TTYH2: variants seen among roughly 807,000 people sequenced by gnomAD.
TTYH2 encodes the protein protein tweety homolog 2.
Under a neutral mutation model 68.3 loss-of-function variants are expected in TTYH2, and 49 were observed. The ratio of observed to expected loss-of-function variants is 0.72; its 90% CI spans 0.57 to 0.91. TTYH2 has a LOEUF of 0.91. TTYH2 is among the 40% of genes least tolerant of loss of function. The pLI, the probability that TTYH2 is intolerant of heterozygous loss-of-function variation, is 0.00. For synonymous variants in TTYH2, 272 were observed against 300.8 expected, an observed-to-expected ratio of 0.90 and a Z score of 0.99; for missense variants, 631 against 700.4, an observed-to-expected ratio of 0.90 and a Z score of 1.12.
intron 3 of TTYH2, among the ~76,000 whole-genome samples, chr17:74,234,095 T>A (rs2050417883): frequency 6.6e-6 from 1 of 152,160 alleles, no homozygotes; most frequent in African/African-American, 2.4e-5. Flanking sequence ...TGAGCTTGCA[T>A]CAGAATCACC....
At chr17:74,253,689 G>A (rs889267667) in intron 12 of TTYH2, 66 bp from the exon 13 acceptor site, 1 of 1,535,664 alleles carries the variant, frequency 6.5e-7, no homozygotes. Context: ...GGACCCTCCT[G>A]TAGAAATCTA....
chr17:74,254,258 C>T (rs1312733705), intron 13 of TTYH2, among the ~76,000 whole-genome samples: 1 of 152,092 alleles, frequency 6.6e-6, no homozygotes, highest in Non-Finnish European at 1.5e-5. Context: ...TTACTGCAAC[C>T]CAGGTTTCAA....
intron 2 of TTYH2, among the ~76,000 whole-genome samples, chr17:74,229,302 T>C (rs2050363249): frequency 6.6e-6 from 1 of 152,128 alleles, no homozygotes; most frequent in Non-Finnish European, 1.5e-5. Context: ...CTGGTAAAAG[T>C]GCAGGTAACC....
chr17:74,219,984 G>T (rs879003683), intron 1 of TTYH2, among the ~76,000 whole-genome samples: 1 of 150,882 alleles, frequency 6.6e-6, no homozygotes, highest in Non-Finnish European at 1.5e-5. Context: ...TTTTGGCTTG[G>T]TTGGGGTTTT....
chr17:74,218,487 A>G (rs1407025755), intron 1 of TTYH2, among the ~76,000 whole-genome samples: 3 of 151,686 alleles, frequency 2.0e-5, no homozygotes, highest in Non-Finnish European at 2.9e-5. Flanking sequence ...AGCCTGGCCA[A>G]CATAGTGAGA....
chr17:74,243,492 C>T (rs1400560800), intron 5 of TTYH2, 23 bp downstream of exon 5: 2 of 1,610,364 alleles, frequency 1.2e-6, no homozygotes, highest in Non-Finnish European at 1.7e-6. Flanking sequence ...ACCCGTGGAC[C>T]TGGGACAAAG....
rs1208201658 is a variant in TTYH2, at chr17:74,239,221, G to A, written c.635+1707G>A. The stretch of plus-strand genomic sequence containing the variant: ...CCCCTCTCCAGGTGCAGGGTCCAGC[G>A]AAGTTTGCTCCGTGGAAAGCACAGG... On this transcript the variant is annotated intron_variant, in intron 4 of 13. Transcript: ENST00000269346. This position sits in a 1 kb window ranked among gnomAD's most constrained non-coding sequence, Gnocchi z 5.3. 3.3e-5 allele frequency among the ~76,000 whole-genome samples: 5 copies of A among 152,358 alleles called. No individual in the cohort carries two copies. Among genetic ancestry groups the A allele is most frequent in the South Asian group, 4.1e-4 (2 of 4,832 alleles).
Position 74,253,773 on chromosome 17 carries a change from T to C in TTYH2, c.1464T>C (p.Phe488=). Residue 488 remains phenylalanine (F), a synonymous_variant, in exon 13 of 14, where the codon TTT becomes TTC. Coordinates refer to ENST00000269346, the MANE Select transcript of TTYH2 (RefSeq NM_032646.6). ...CCCGCAGGAACCAAGCCATGCTCTT[T>C]GGTAGGAACCCACGCTACGAGAACG... is the stretch of plus-strand genomic sequence containing the variant. ...VSEYMNQAML[F]GRNPRYENVP... is the part of the protein sequence containing the mutation. 1.9e-6 allele frequency: 3 copies of C among 1,614,178 alleles called. No individual in the cohort carries two copies. The highest frequency in any genetic ancestry group is 2.5e-6 in the Non-Finnish European group (3 of 1,180,022).
Position 74,215,646 on chromosome 17 carries a change from G to C in TTYH2, c.129+1930G>C, listed in dbSNP as rs2050215167. On this transcript the variant is annotated intron_variant, in intron 1 of 13. Coordinates refer to ENST00000269346, the MANE Select transcript of TTYH2 (RefSeq NM_032646.6). The surrounding 1 kb of genome is among the most constrained non-coding windows in gnomAD (Gnocchi z 4.3). Reference sequence around the variant, plus strand: ...CCACCACTCAGATCGCTGAGTAGGAGATGAGCGTGGTGGGCCAGGACCGGA... The same window carrying C: ...CCACCACTCAGATCGCTGAGTAGGACATGAGCGTGGTGGGCCAGGACCGGA... 6.5e-7 allele frequency: 1 copy of C among 1,535,740 alleles called. No homozygotes were observed. The highest frequency in any genetic ancestry group is 8.7e-7 in the Non-Finnish European group (1 of 1,146,918).
At chr17:74,225,088 G>A (rs956680435) in intron 2 of TTYH2, among the ~76,000 whole-genome samples, 7 of 152,132 alleles carry the variant, frequency 4.6e-5, no homozygotes, top group East Asian at 3.9e-4. Context: ...GAGTCCAGGC[G>A]TTCCTGGGTG....
intron 2 of TTYH2, among the ~76,000 whole-genome samples, chr17:74,228,358 TAA>T (rs1173787252): frequency 1.3e-5 from 2 of 152,192 alleles, no homozygotes; most frequent in East Asian, 3.9e-4. Context: ...AGAACAAATA[TAA>T]GTGTGGACGT....
chr17:74,223,357 C>T (rs952055520), intron 2 of TTYH2, among the ~76,000 whole-genome samples: 5 of 152,022 alleles, frequency 3.3e-5, no homozygotes, highest in African/African-American at 9.7e-5. Flanking sequence ...AACTGCTGAG[C>T]TCAAGTGATC....
In TTYH2 at chr17:74,250,361, C is replaced by T. The variant is rs2050609391; in HGVS notation, c.1116+4C>T. 7 of 1,612,030 alleles carry T rather than the reference C, an allele frequency of 4.3e-6. No homozygotes were observed. Among genetic ancestry groups the T allele is most frequent in the Non-Finnish European group, 4.2e-6 (5 of 1,178,838 alleles). On this transcript the variant is annotated splice_donor_region_variant and intron_variant, in intron 10 of 13. Transcript: ENST00000269346. ...GGACTGCCGAGGGCTGCACAAGGTG[C>T]ATGGGGACCCTGGGGTCACGTGGAG... is the stretch of plus-strand genomic sequence containing the variant.
intron 10 of TTYH2, 161 bp from the exon 11 acceptor site, chr17:74,252,073 C>A: frequency 1.2e-6 from 1 of 831,518 alleles, no homozygotes; most frequent in South Asian, 1.6e-5. Flanking sequence ...TGTTAGGCTC[C>A]AGAGTGTGGA....
In TTYH2 at chr17:74,234,237, C is replaced by T. The variant is rs575539619; in HGVS notation, c.415-3057C>T. Among the ~76,000 whole-genome samples, 4 of 152,290 alleles carry T rather than the reference C, an allele frequency of 2.6e-5. 1 individual carries two copies. The East Asian group carries it at 5.8e-4, about 22-fold the overall frequency. On this transcript the variant is annotated intron_variant, in intron 3 of 13. Coordinates refer to ENST00000269346, the MANE Select transcript of TTYH2 (RefSeq NM_032646.6). ...GGGGTGCATCTTACGCCCCTAGTCC[C>T]GGGACCACACTTGAGAACTGCTCTT...
chr17:74,253,166 C>G lies in TTYH2; in HGVS notation c.1345C>G (p.Gln449Glu), dbSNP rs202095203. 307 of 1,614,014 alleles carry G rather than the reference C, an allele frequency of 1.9e-4. No individual in the cohort carries two copies. Among genetic ancestry groups the G allele is most frequent in the Non-Finnish European group, 2.5e-4 (295 of 1,179,976 alleles). Residue 449 changes from glutamine to glutamate, a missense_variant, in exon 12 of 14, where the codon CAG (glutamine) becomes GAG (glutamate). Transcript: ENST00000269346. ...GGCGGCTCACAGTCCCCCGAGGGGA[C>G]AGCTTCACAGCTTCTGCAGCTACAG... Reference protein sequence around the residue: ...RMAAHSPPRGQLHSFCSYSSG... With the variant: ...RMAAHSPPRGELHSFCSYSSG...
At chr17:74,251,977 G>T in intron 10 of TTYH2, 1 of 485,782 alleles carries the variant, frequency 2.1e-6, no homozygotes, top group South Asian at 2.3e-5. Context: ...AACCTCCTCC[G>T]CCCTGTTCAG....
rs185648232 is a variant in TTYH2 at position 74,252,013 on chromosome 17, C to T, written c.1117-221C>T. 26 of 583,242 alleles carry T rather than the reference C, an allele frequency of 4.5e-5. No individual in the cohort carries two copies. The Admixed American group carries it at 6.1e-4, about 14-fold the overall frequency. 36.1% of individuals were successfully genotyped at this position (583,242 alleles called of 1,614,324 possible). On this transcript the variant is annotated intron_variant, in intron 10 of 13. Transcript: ENST00000269346. ...AGCCAGCTTCTTAGTGCCCAGCTCA[C>T]AGTAAGTGCTCAGCAAATGTTTCCA... is the stretch of plus-strand genomic sequence containing the variant.
rs150112430 is a variant in TTYH2, at chr17:74,230,894, G to A, written c.309G>A (p.Ala103=). Residue 103 remains alanine (A), a synonymous_variant, in exon 3 of 14, where the codon GCG becomes GCA. Coordinates refer to ENST00000269346, the MANE Select transcript of TTYH2 (RefSeq NM_032646.6). ...AVVAGLICCA[A]VGVGFYGNSE... is the part of the protein sequence containing the mutation. ...TTTGGGATCTTGCTTATAGTGCTGC[G>A]GTGGGCGTTGGTTTCTATGGAAACA... 1,162 of 1,613,898 alleles carry A rather than the reference G, an allele frequency of 7.2e-4. No individual in the cohort carries two copies. Among genetic ancestry groups the A allele is most frequent in the Non-Finnish European group, 9.2e-4 (1,091 of 1,179,978 alleles).
Sources: allele counts gnomAD v4.1 joint callset (sites outside exome capture counted in the v4.1 genomes callset), GRCh38; gene constraint gnomAD v4.1.1; non-coding constraint Gnocchi (gnomAD v3.1); transcripts MANE v1.5; gene names NCBI Gene and HGNC (gene_info 2026-07-23, HGNC 2026-07-21).